SLC17A4: variants seen among roughly 807,000 people sequenced by gnomAD.
SLC17A4 encodes solute carrier family 17 member 4, also known as probable small intestine urate exporter.
In SLC17A4, 33 loss-of-function variants were observed where a neutral mutation model predicts 52.5. That is an observed-to-expected ratio of 0.63 (90% CI 0.48 to 0.84). The LOEUF is 0.84. SLC17A4 is among the 40% of genes least tolerant of loss of function. The probability of loss-of-function intolerance (pLI) is 0.00; values close to 1 mark genes in which losing one functional copy is unlikely to be tolerated. For synonymous variants in SLC17A4, 225 were observed against 216.2 expected, an observed-to-expected ratio of 1.04 and a Z score of -0.36; for missense variants, 585 against 597.1, an observed-to-expected ratio of 0.98 and a Z score of 0.21.
chr6:25,758,767 A>AT (rs1227996789), intron 1 of SLC17A4, among the ~76,000 whole-genome samples: 2 of 151,066 alleles, frequency 1.3e-5, no homozygotes, highest in East Asian at 2.0e-4. Flanking sequence ...TATCTTTTGT[A>AT]TTTTTTGTTT....
At chr6:25,770,549 C>T in intron 5 of SLC17A4, 78 bp downstream of exon 5, 1 of 1,268,598 alleles carries the variant, frequency 7.9e-7, no homozygotes, top group Non-Finnish European at 1.2e-6. Context: ...GAACCAAGAT[C>T]TTATATATCA....
intron 2 of SLC17A4, among the ~76,000 whole-genome samples, chr6:25,762,369 GAC>G (rs561755608): frequency 6.6e-6 from 1 of 152,162 alleles, no homozygotes; most frequent in Non-Finnish European, 1.5e-5. Context: ...CTAAGTCCAA[GAC>G]ATGTCCTATT....
At chr6:25,773,890 T>A (rs989570891) in intron 8 of SLC17A4, among the ~76,000 whole-genome samples, 6 of 152,126 alleles carry the variant, frequency 3.9e-5, no homozygotes, top group African/African-American at 1.2e-4. Context: ...TGGTTCTAGT[T>A]TGATTTTCAT....
Position 25,773,406 on chromosome 6 carries a change from A to G in SLC17A4, c.825+13A>G. 2.5e-6 allele frequency: 4 copies of G among 1,612,948 alleles called. No individual in the cohort carries two copies. The highest frequency in any genetic ancestry group is 1.3e-5 in the African/African-American group (1 of 74,938). On this transcript the variant is annotated intron_variant, in intron 7 of 11. Coordinates refer to ENST00000377905, the MANE Select transcript of SLC17A4 (RefSeq NM_005495.3). ...ATTGGCTCAGCAGGTACATTGAGGA[A>G]CTCCTCTGACATTTCTCTATGTCCC...
At chr6:25,760,839 TC>T (rs1355182671) in intron 1 of SLC17A4, among the ~76,000 whole-genome samples, 1 of 152,202 alleles carries the variant, frequency 6.6e-6, no homozygotes, top group African/African-American at 2.4e-5. Flanking sequence ...CTTTTTATGT[TC>T]TAGGGTCCAT....
At chr6:25,761,662 T>C (rs368915783) in intron 1 of SLC17A4, among the ~76,000 whole-genome samples, 9 of 152,142 alleles carry the variant, frequency 5.9e-5, no homozygotes, top group East Asian at 3.8e-4. Context: ...AACACAGAAC[T>C]AGAAAGGATA....
Position 25,779,069 on chromosome 6 carries a change from T to G in SLC17A4, c.1375T>G (p.Trp459Gly). The change falls in exon 12 of 12, where the codon TGG becomes GGG. Residue 459 changes from tryptophan (W) to glycine (G), a missense_variant. Physicochemically the swap from Trp to Gly is radical, Grantham distance 184. Coordinates refer to ENST00000377905, the MANE Select transcript of SLC17A4 (RefSeq NM_005495.3). ...CTGCCTCCAGGATTCAGAGTTTGGT[T>G]GGAGAAATGTCTTCTTGCTTTCAGC... ...FFISQDSEFG[W>G]RNVFLLSAAV... 6.2e-7 allele frequency: 1 copy of G among 1,613,782 alleles called. No homozygotes were observed. Among genetic ancestry groups the G allele is most frequent in the Non-Finnish European group, 8.5e-7 (1 of 1,179,722 alleles).
chr6:25,775,342 T>A (rs28412066), intron 8 of SLC17A4, among the ~76,000 whole-genome samples: 136,254 of 150,622 alleles, frequency 0.9, 61,643 homozygotes, highest in East Asian at 0.98. Context: ...AAAAAAAAAA[T>A]AGAAAGACTG....
Position 25,778,011 on chromosome 6 carries a change from A to G in SLC17A4, c.1354A>G (p.Ser452Gly), listed in dbSNP as rs1438402889. Residue 452 changes from serine (S) to glycine (G), a missense_variant, in exon 11 of 12, where the codon AGT becomes GGT. Coordinates refer to ENST00000377905, the MANE Select transcript of SLC17A4 (RefSeq NM_005495.3). ...TCCTACTGCTGCTGGATTTTTCATC[A>G]GTCAGGTGAGGTCAAATGTTCTGAT... ...ISPTAAGFFI[S>G]QDSEFGWRNV... is the part of the protein sequence containing the mutation. 2 of 1,601,666 alleles carry G rather than the reference A, an allele frequency of 1.2e-6. No homozygotes were observed. The highest frequency in any genetic ancestry group is 1.7e-6 in the Non-Finnish European group (2 of 1,171,374).
At chr6:25,778,962 A>T in intron 11 of SLC17A4, 92 bp from the exon 12 acceptor site, 1 of 1,514,198 alleles carries the variant, frequency 6.6e-7, no homozygotes. Context: ...GAGGTCGGGG[A>T]GGGAGCAGGA....
chr6:25,770,947 T>C lies in SLC17A4; in HGVS notation c.641T>C (p.Ile214Thr). The C allele has an allele frequency of 6.2e-7, 1 of 1,613,920 alleles. No homozygotes were observed. The highest frequency in any genetic ancestry group is 8.5e-7 in the Non-Finnish European group (1 of 1,179,842). The change falls in exon 6 of 12, where the codon ATT (isoleucine) becomes ACT (threonine). Residue 214 changes from isoleucine to threonine, a missense_variant. Ile to Thr is a moderately conservative substitution (Grantham distance 89). Transcript: ENST00000377905. ...TCAGGGTCAATGCTGGGGTCCTTCATTGTTCTACTTGCTGGTGGTCTCCTC... is the reference window on the plus strand; with the variant it reads ...TCAGGGTCAATGCTGGGGTCCTTCACTGTTCTACTTGCTGGTGGTCTCCTC... ...AGSGSMLGSF[I>T]VLLAGGLLCQ...
At chr6:25,759,628 G>T (rs1387934827) in intron 1 of SLC17A4, among the ~76,000 whole-genome samples, 1 of 152,174 alleles carries the variant, frequency 6.6e-6, no homozygotes, top group African/African-American at 2.4e-5. Flanking sequence ...ACTCCAGCCT[G>T]GGCGGCAGAG....
chr6:25,768,307 C>A, intron 2 of SLC17A4: 1 of 913,142 alleles, frequency 1.1e-6, no homozygotes, highest in Non-Finnish European at 1.3e-6. Context: ...ACCTTGTGAT[C>A]ATACATTACC....
At position 25,780,368 on chromosome 6, in the gene SLC17A4, G is replaced by A. The variant is rs1763236568; in HGVS notation, c.*1180G>A. The A allele has an allele frequency of 6.6e-6, 1 of 152,144 alleles. No individual in the cohort carries two copies. The highest frequency in any genetic ancestry group is 1.5e-5 in the Non-Finnish European group (1 of 68,022). 9.4% of individuals were successfully genotyped at this position (152,144 alleles called of 1,614,324 possible). ...GAGTGGTTACATGGGTTATGAGAGT[G>A]GATGATAAGTGCACTAATCTGAGTG... On this transcript the variant is annotated 3_prime_UTR_variant, in exon 12 of 12. Transcript: ENST00000377905.
intron 1 of SLC17A4, among the ~76,000 whole-genome samples, chr6:25,759,965 G>A (rs138324750): frequency 1.7e-3 from 252 of 152,256 alleles, no homozygotes; most frequent in African/African-American, 5.5e-3. Context: ...TTGCTTTAAG[G>A]AATGTCCTGA....
In SLC17A4 at chr6:25,770,878, C is replaced by A. The variant is rs529328683; in HGVS notation, c.620-48C>A. 74 of 1,439,660 alleles carry A rather than the reference C, an allele frequency of 5.1e-5. 1 individual carries two copies. In the South Asian group the frequency reaches 7.0e-4, roughly 14 times the overall value. 89.2% of individuals were successfully genotyped at this position (1,439,660 alleles called of 1,614,324 possible). On this transcript the variant is annotated intron_variant, in intron 5 of 11. Coordinates refer to ENST00000377905, the MANE Select transcript of SLC17A4 (RefSeq NM_005495.3). ...CAGCATTGTAGAAAGCACATAGAGC[C>A]CCAAGACGAGTCCTCTCACCCAGAA...
intron 1 of SLC17A4, among the ~76,000 whole-genome samples, chr6:25,755,481 G>A (rs1760934719): frequency 6.6e-6 from 1 of 152,118 alleles, no homozygotes; most frequent in South Asian, 2.1e-4. Flanking sequence ...AGCACCTTAA[G>A]GAAAAGTCTC....
At chr6:25,762,155 A>T in intron 2 of SLC17A4, 102 bp downstream of exon 2, 1 of 936,214 alleles carries the variant, frequency 1.1e-6, no homozygotes, top group Non-Finnish European at 1.6e-6. Flanking sequence ...TCTTTTGTTG[A>T]TACACATCAT....
chr6:25,764,810 C>A (rs1046873189), intron 2 of SLC17A4, among the ~76,000 whole-genome samples: 1 of 152,218 alleles, frequency 6.6e-6, no homozygotes, highest in Non-Finnish European at 1.5e-5. Context: ...CCTTTCTGAT[C>A]TGCAATTTAG....
Sources: allele counts gnomAD v4.1 joint callset (sites outside exome capture counted in the v4.1 genomes callset), GRCh38; gene constraint gnomAD v4.1.1; transcripts MANE v1.5; gene names NCBI Gene and HGNC (gene_info 2026-07-23, HGNC 2026-07-21).